Variants in ZFYVE26 observed in about 807,000 individuals in gnomAD.
ZFYVE26 encodes zinc finger FYVE domain-containing protein 26.
In ZFYVE26, 181 loss-of-function variants were observed where a neutral mutation model predicts 276.5. The ratio of observed to expected loss-of-function variants is 0.65; its 90% CI spans 0.58 to 0.74. The LOEUF (loss-of-function observed/expected upper bound fraction) is 0.74. ZFYVE26 is among the 30% of genes least tolerant of loss of function. The pLI is 0.00. For missense variants in ZFYVE26, 2,821 were observed against 3,097.9 expected (o/e 0.91, Z 2.12); for synonymous variants, 1,129 against 1,203.1 (o/e 0.94, Z 1.27).
chr14:67,757,602 T>G (rs1489343797), intron 35 of ZFYVE26, among the ~76,000 whole-genome samples: 1 of 152,178 alleles, frequency 6.6e-6, no homozygotes, highest in Non-Finnish European at 1.5e-5. Flanking sequence ...ATTTCTCATG[T>G]TTACTATCTC....
intron 8 of ZFYVE26, 133 bp from the exon 9 acceptor site, chr14:67,804,397 T>C: frequency 2.6e-6 from 3 of 1,166,032 alleles, no homozygotes; most frequent in Admixed American, 4.0e-5. Flanking sequence ...ACAATCTAAA[T>C]TTTAGTTGGT....
At chr14:67,743,199 T>C (rs760338379), downstream of ZFYVE26, among the ~76,000 whole-genome samples, 12 of 152,098 alleles carry the variant, frequency 7.9e-5, no homozygotes, top group Non-Finnish European at 1.6e-4. Flanking sequence ...TAATACTATA[T>C]ATTAACAGCT....
At chr14:67,772,301 A>G in intron 27 of ZFYVE26, 91 bp from the exon 28 acceptor site, 1 of 1,409,274 alleles carries the variant, frequency 7.1e-7, no homozygotes, top group Non-Finnish European at 9.8e-7. Flanking sequence ...CCATTTTACA[A>G]ACCGTTATTG....
chr14:67,767,965 C>T (rs2039102535), intron 30 of ZFYVE26, 125 bp from the exon 31 acceptor site: 2 of 1,364,588 alleles, frequency 1.5e-6, no homozygotes, highest in East Asian at 2.3e-5. Flanking sequence ...TTTCTCTCTC[C>T]TTGGTTCCTT....
At chr14:67,798,722 T>A in intron 10 of ZFYVE26, 100 bp from the exon 11 acceptor site, 2 of 1,447,350 alleles carry the variant, frequency 1.4e-6, no homozygotes, top group Non-Finnish European at 1.9e-6. Flanking sequence ...CTCGCAACTT[T>A]AGCTCATTTA....
At chr14:67,736,936 C>A (rs552974011) in intron 13 of ZFYVE26, among the ~76,000 whole-genome samples, 1 of 152,040 alleles carries the variant, frequency 6.6e-6, no homozygotes, top group Non-Finnish European at 1.5e-5. Flanking sequence ...TCTTTAAACA[C>A]CCGCAGTGAC....
Position 67,805,277 on chromosome 14 carries a change from T to A in ZFYVE26, c.1211A>T (p.Asp404Val). 1 of 1,614,126 alleles carries A rather than the reference T, an allele frequency of 6.2e-7. No homozygotes were observed. Among genetic ancestry groups the A allele is most frequent in the Non-Finnish European group, 8.5e-7 (1 of 1,180,012 alleles). Residue 404 changes from aspartate to valine, a missense_variant, in exon 8 of 42, where the codon GAT (aspartate) becomes GTT (valine). Asp to Val is a radical substitution (Grantham distance 152). Coordinates refer to ENST00000347230, the MANE Select transcript of ZFYVE26 (RefSeq NM_015346.4). ...GTGAGCCCACAACCCATCACAGGCA[T>A]CCCTGAGGAGCTCATCACAGCCTGG... The part of the protein sequence containing the change: ...QGPGCDELLR[D>V]ACDGLWAHLE...
At chr14:67,772,655 G>A (rs932138918) in intron 27 of ZFYVE26, among the ~76,000 whole-genome samples, 7 of 152,234 alleles carry the variant, frequency 4.6e-5, no homozygotes, top group South Asian at 2.1e-4. Context: ...GCTTTAAGAG[G>A]CTGGTGCAGT....
chr14:67,739,691 A>G (rs999287217), intron 13 of ZFYVE26, among the ~76,000 whole-genome samples: 1 of 152,134 alleles, frequency 6.6e-6, no homozygotes, highest in Non-Finnish European at 1.5e-5. Flanking sequence ...AATATGACAG[A>G]TATCCATGGA....
At chr14:67,731,699 T>TTTACTATATGA (rs1162458806) in intron 13 of ZFYVE26, among the ~76,000 whole-genome samples, 3 of 152,166 alleles carry the variant, frequency 2.0e-5, no homozygotes, top group African/African-American at 7.2e-5. Context: ...CTATATGATT[T>TTTACTATATGA]TTTATACATA....
intron 16 of ZFYVE26, among the ~76,000 whole-genome samples, chr14:67,788,115 G>C (rs921182530): frequency 6.6e-6 from 1 of 152,200 alleles, no homozygotes; most frequent in African/African-American, 2.4e-5. Flanking sequence ...GGGTGGTTGG[G>C]TGCGGTGGCT....
At chr14:67,761,229 C>T (rs1421294006) in intron 35 of ZFYVE26, 137 bp downstream of exon 35, 3 of 835,780 alleles carry the variant, frequency 3.6e-6, no homozygotes, top group Non-Finnish European at 5.9e-6. Flanking sequence ...CCTGTTTTGA[C>T]TTGACTCTGC....
chr14:67,805,357 C>T, intron 7 of ZFYVE26, 52 bp from the exon 8 acceptor site: 1 of 1,613,616 alleles, frequency 6.2e-7, no homozygotes, highest in Non-Finnish European at 8.5e-7. Context: ...CCTGGGGTTA[C>T]AGATTATGAC....
At chr14:67,773,959 A>G (rs2039277805) in intron 27 of ZFYVE26, among the ~76,000 whole-genome samples, 1 of 152,196 alleles carries the variant, frequency 6.6e-6, no homozygotes, top group Non-Finnish European at 1.5e-5. Context: ...AAGGGTGACC[A>G]AGACATGGCT....
Position 67,784,632 on chromosome 14 carries a change from TA to T in ZFYVE26, c.3524-197del, listed in dbSNP as rs1367566638. Among the ~76,000 whole-genome samples the T allele has an allele frequency of 4.6e-5, 7 of 152,314 alleles. No homozygotes were observed. The South Asian group carries it at 6.2e-4, about 14-fold the overall frequency. The stretch of plus-strand genomic sequence containing the variant: ...TTTTATCTATATCTTACCACTGCTC[TA>T]AAGACTTCCAACCCCAGACGAACTT... On this transcript the variant is annotated intron_variant, in intron 19 of 41. Coordinates refer to ENST00000347230, the MANE Select transcript of ZFYVE26 (RefSeq NM_015346.4).
chr14:67,814,056 T>G lies in ZFYVE26; in HGVS notation c.203A>C (p.Gln68Pro). Residue 68 changes from glutamine to proline, a missense_variant, in exon 3 of 42, where the codon CAG becomes CCG. Transcript: ENST00000347230. ...VVCPNLLRCG[Q>P]DINPQRVAWV... ...GGCTACTCTTTGAGGGTTGATGTCC[T>G]GCCCACATCTGAAAAAGGTAAAAAG... The G allele has an allele frequency of 6.2e-7, 1 of 1,613,316 alleles. No individual in the cohort carries two copies. The highest frequency in any genetic ancestry group is 8.5e-7 in the Non-Finnish European group (1 of 1,179,348).
chr14:67,759,069 C>T lies in ZFYVE26; in HGVS notation c.6588+2297G>A, dbSNP rs1160171475. Reference sequence around the variant, plus strand: ...CCTGGCTAACATGGTGAAACCCCGTCTCTACTAAAAAAAAAAATAGAAAAA... The same window carrying T: ...CCTGGCTAACATGGTGAAACCCCGTTTCTACTAAAAAAAAAAATAGAAAAA... On this transcript the variant is annotated intron_variant, in intron 35 of 41. Transcript: ENST00000347230. Among the ~76,000 whole-genome samples the T allele has an allele frequency of 4.6e-5, 7 of 150,932 alleles. No individual in the cohort carries two copies. The East Asian group carries it at 1.2e-3, about 26-fold the overall frequency.
chr14:67,798,907 G>T lies in ZFYVE26; in HGVS notation c.1640-285C>A. On this transcript the variant is annotated intron_variant, in intron 10 of 41. Coordinates refer to ENST00000347230, the MANE Select transcript of ZFYVE26 (RefSeq NM_015346.4). ...TTGGCCACCAGGCCCCGCCCCCGGG[G>T]AGGGCGCTGAGCTCCGCTTGGCGCC... 3.1e-6 allele frequency: 3 copies of T among 962,580 alleles called. No individual in the cohort carries two copies. The South Asian group carries it at 4.5e-5, about 14-fold the overall frequency. The allele number at this position is 962,580 out of a possible 1,614,324, so 59.6% of individuals were successfully genotyped here. A position where few individuals can be genotyped will look rare whatever the true frequency, so the allele number is the denominator to read the frequency against.
intron 14 of ZFYVE26, among the ~76,000 whole-genome samples, chr14:67,792,816 G>A (rs1299806043): frequency 6.6e-6 from 1 of 150,862 alleles, no homozygotes; most frequent in African/African-American, 2.5e-5. Context: ...GGAGGCTGAG[G>A]CAGGAGAATC....
Sources: allele counts gnomAD v4.1 joint callset (sites outside exome capture counted in the v4.1 genomes callset), GRCh38; gene constraint gnomAD v4.1.1; transcripts MANE v1.5; gene names NCBI Gene and HGNC (gene_info 2026-07-23, HGNC 2026-07-21).